Variants in DDAH1 observed in about 807,000 individuals in gnomAD.
The protein encoded by DDAH1 is N(G),N(G)-dimethylarginine dimethylaminohydrolase 1.
In DDAH1, 19 loss-of-function variants were observed where a neutral mutation model predicts 28.8. The ratio of observed to expected loss-of-function variants is 0.66; its 90% CI spans 0.46 to 0.97. The LOEUF (loss-of-function observed/expected upper bound fraction) is 0.97. Ranked by LOEUF, DDAH1 falls within the 50% of genes least tolerant of loss-of-function variation. The pLI is 0.00. For missense variants in DDAH1, 326 were observed against 375.9 expected, an observed-to-expected ratio of 0.87 and a Z score of 1.10; for synonymous variants, 153 against 154.4, an observed-to-expected ratio of 0.99 and a Z score of 0.07.
At chr1:85,500,988 A>C (rs1191787899) in intron 1 of DDAH1, among the ~76,000 whole-genome samples, 2 of 151,986 alleles carry the variant, frequency 1.3e-5, no homozygotes, top group Non-Finnish European at 2.9e-5. Flanking sequence ...TTTTCTTTAA[A>C]ATTTTAAACA....
At chr1:85,445,470 A>C (rs983937881) in intron 1 of DDAH1, among the ~76,000 whole-genome samples, 1 of 152,230 alleles carries the variant, frequency 6.6e-6, no homozygotes, top group South Asian at 2.1e-4. Context: ...TCTGCACGCC[A>C]GACTATATGG....
At chr1:85,451,709 G>A (rs1441468494) in intron 1 of DDAH1, among the ~76,000 whole-genome samples, 1 of 152,166 alleles carries the variant, frequency 6.6e-6, no homozygotes, top group Non-Finnish European at 1.5e-5. Flanking sequence ...GCATGCTAGA[G>A]GGGTGATGAA....
At chr1:85,484,056 G>A (rs1025171989) in intron 2 of DDAH1, among the ~76,000 whole-genome samples, 8 of 152,090 alleles carry the variant, frequency 5.3e-5, no homozygotes, top group African/African-American at 1.4e-4. Context: ...GGGTCATCTA[G>A]GTAGAAGTAA....
chr1:85,511,342 T>A (rs1173605915), intron 1 of DDAH1, among the ~76,000 whole-genome samples: 1 of 152,196 alleles, frequency 6.6e-6, no homozygotes. Context: ...CTGGGACACA[T>A]TTAAAGCAGT....
chr1:85,346,890 A>C (rs1385260010), intron 4 of DDAH1, among the ~76,000 whole-genome samples: 4 of 152,214 alleles, frequency 2.6e-5, no homozygotes, highest in Non-Finnish European at 5.9e-5. Flanking sequence ...AATATCCAGA[A>C]TCTACAAAGA....
At chr1:85,511,433 T>G (rs953196263) in intron 1 of DDAH1, among the ~76,000 whole-genome samples, 1 of 151,868 alleles carries the variant, frequency 6.6e-6, no homozygotes, top group Non-Finnish European at 1.5e-5. Context: ...ACATCACAAT[T>G]AAAAGAACTA....
intron 1 of DDAH1, among the ~76,000 whole-genome samples, chr1:85,513,113 A>G (rs1277183843): frequency 2.0e-5 from 3 of 152,184 alleles, no homozygotes; most frequent in African/African-American, 7.2e-5. Flanking sequence ...CTACAAGGCT[A>G]CAGTAACCAA....
intron 1 of DDAH1, among the ~76,000 whole-genome samples, chr1:85,546,661 A>G (rs1172892698): frequency 6.6e-6 from 1 of 152,156 alleles, no homozygotes; most frequent in African/African-American, 2.4e-5. Context: ...TAAAAATCTA[A>G]ATATGATATT....
intron 1 of DDAH1, among the ~76,000 whole-genome samples, chr1:85,388,520 AG>A (rs1651390109): frequency 6.6e-6 from 1 of 152,240 alleles, no homozygotes; most frequent in African/African-American, 2.4e-5. Context: ...GAATCATAAA[AG>A]GAAACAACAC....
intron 1 of DDAH1, among the ~76,000 whole-genome samples, chr1:85,499,878 A>G (rs1203292141): frequency 6.6e-6 from 1 of 152,160 alleles, no homozygotes; most frequent in African/African-American, 2.4e-5. Context: ...ATTTACCCAC[A>G]TATTTACCAC....
intron 1 of DDAH1, among the ~76,000 whole-genome samples, chr1:85,564,678 G>C (rs1659241559): frequency 6.6e-6 from 1 of 151,892 alleles, no homozygotes; most frequent in African/African-American, 2.4e-5. Flanking sequence ...AACCAGCCTG[G>C]TCAACATGGT....
chr1:85,525,567 T>TCACACACACACACACACACACA (rs3058870), intron 1 of DDAH1, among the ~76,000 whole-genome samples: 11,344 of 148,806 alleles, frequency 0.076, 512 homozygotes, highest in Middle Eastern at 0.14. Flanking sequence ...AGAATGATAT[T>TCACACACACACACACACACACA]CACACACACA....
intron 1 of DDAH1, among the ~76,000 whole-genome samples, chr1:85,461,155 AGT>A (rs1655107120): frequency 1.3e-5 from 2 of 152,212 alleles, no homozygotes; most frequent in Non-Finnish European, 2.9e-5. Context: ...TTCCCTAAAA[AGT>A]AAGTTGGAGT....
intron 1 of DDAH1, among the ~76,000 whole-genome samples, chr1:85,381,182 C>T (rs1464523630): frequency 4.1e-5 from 6 of 147,612 alleles, no homozygotes; most frequent in East Asian, 2.0e-4. Context: ...TGCAGTGAGC[C>T]GAGATCACTG....
At chr1:85,498,681 G>A (rs894040929) in intron 1 of DDAH1, among the ~76,000 whole-genome samples, 1 of 152,198 alleles carries the variant, frequency 6.6e-6, no homozygotes, top group Admixed American at 6.5e-5. Context: ...CACTTTGAGA[G>A]GCTGAGGTGG....
rs973176402 is a variant in DDAH1, at chr1:85,485,277, A to G, written c.-7+10889T>C. On this transcript the variant is annotated intron_variant, in intron 2 of 6. Transcript: ENST00000426972. ...TTGCATGAACTAGGTAAAGCATCAT[A>G]TTAAGAACAAATAAAAGAGTTAGCT... Among the ~76,000 whole-genome samples, 3 of 152,358 alleles carry G rather than the reference A, an allele frequency of 2.0e-5. 1 individual carries two copies. Among genetic ancestry groups the G allele is most frequent in the Admixed American group, 1.3e-4 (2 of 15,306 alleles).
intron 2 of DDAH1, among the ~76,000 whole-genome samples, chr1:85,475,794 C>T (rs1655778613): frequency 1.3e-5 from 2 of 152,116 alleles, no homozygotes; most frequent in Non-Finnish European, 2.9e-5. Flanking sequence ...CTCACTGTCC[C>T]TATTACCTGA....
At chr1:85,538,827 A>C (rs1658375303) in intron 1 of DDAH1, among the ~76,000 whole-genome samples, 1 of 152,226 alleles carries the variant, frequency 6.6e-6, no homozygotes, top group African/African-American at 2.4e-5. Context: ...TTATGCTCAC[A>C]AATGTGTGCC....
intron 1 of DDAH1, among the ~76,000 whole-genome samples, chr1:85,519,117 G>A (rs1361874983): frequency 9.0e-6 from 1 of 110,602 alleles, no homozygotes; most frequent in African/African-American, 4.0e-5. Context: ...TTTTTGAGAC[G>A]GAGTCTTGCT....
Sources: allele counts gnomAD v4.1 joint callset (sites outside exome capture counted in the v4.1 genomes callset), GRCh38; gene constraint gnomAD v4.1.1; transcripts MANE v1.5; gene names NCBI Gene and HGNC (gene_info 2026-07-23, HGNC 2026-07-21).